The following FIRRM variants were observed in gnomAD, a reference collection of about 807,000 sequenced individuals.
FIRRM encodes FIGNL1 interacting regulator of recombination and mitosis.
At chr1:169,791,677 C>T in the FIRRM span, among the ~76,000 whole-genome samples, 3 of 152,112 alleles carry the variant, frequency 2.0e-5, no homozygotes, top group Admixed American at 6.5e-5. Context: ...TGACATAAAC[C>T]TCATAAGGTT....
the FIRRM span, chr1:169,794,519 TAAG>T: frequency 6.5e-6 from 1 of 153,898 alleles, no homozygotes; most frequent in Non-Finnish European, 1.5e-5. Flanking sequence ...CCTGTAGAAA[TAAG>T]AAGCAACTTT....
the FIRRM span, among the ~76,000 whole-genome samples, chr1:169,814,352 A>G: frequency 1.3e-3 from 202 of 152,328 alleles, no homozygotes; most frequent in African/African-American, 4.7e-3. Context: ...TGTGGTACAT[A>G]TTGTAGTACT....
the FIRRM span, among the ~76,000 whole-genome samples, chr1:169,796,215 T>C: frequency 1.3e-5 from 2 of 152,222 alleles, no homozygotes; most frequent in Non-Finnish European, 2.9e-5. Flanking sequence ...AACTGCCGTC[T>C]TCAAGGAGTT....
chr1:169,852,854 C>G, the FIRRM span: 1 of 1,614,100 alleles, frequency 6.2e-7, no homozygotes, highest in African/African-American at 1.3e-5. Context: ...GCGCTGCATA[C>G]AATAGCAGGG....
At chr1:169,786,626 C>A in the FIRRM span, among the ~76,000 whole-genome samples, 1 of 152,026 alleles carries the variant, frequency 6.6e-6, no homozygotes, top group Non-Finnish European at 1.5e-5. Flanking sequence ...AATAAGCGCA[C>A]CATCTAGTTT....
At chr1:169,794,246 A>G in the FIRRM span, among the ~76,000 whole-genome samples, 2 of 152,062 alleles carry the variant, frequency 1.3e-5, no homozygotes, top group Non-Finnish European at 2.9e-5. Flanking sequence ...AACCATATTC[A>G]CCCCCTAAGC....
At chr1:169,790,761 A>T in the FIRRM span, among the ~76,000 whole-genome samples, 3 of 152,216 alleles carry the variant, frequency 2.0e-5, no homozygotes, top group African/African-American at 4.8e-5. Context: ...TTGTACCTCA[A>T]TTCCCCAATC....
At chr1:169,849,238 T>G in the FIRRM span, among the ~76,000 whole-genome samples, 286 of 152,334 alleles carry the variant, frequency 1.9e-3, 1 homozygote, top group African/African-American at 6.7e-3. Context: ...TGCCTCATAT[T>G]CAGGGAAGCA....
chr1:169,853,078 G>T, the FIRRM span: 1 of 1,255,384 alleles, frequency 8.0e-7, no homozygotes, highest in Non-Finnish European at 1.1e-6. Context: ...AACAAATTTT[G>T]TAAAGTTGAA....
At chr1:169,852,648 G>A in the FIRRM span, 1 of 772,948 alleles carries the variant, frequency 1.3e-6, no homozygotes, top group Non-Finnish European at 2.1e-6. Flanking sequence ...AGATGACTGT[G>A]TAGGGGTTTT....
the FIRRM span, chr1:169,806,040 C>G: frequency 3.1e-6 from 5 of 1,602,206 alleles, no homozygotes; most frequent in South Asian, 5.7e-5. Flanking sequence ...TCTGTTATTT[C>G]CAGTATGGAC....
chr1:169,851,775 T>A, the FIRRM span: 1 of 1,603,332 alleles, frequency 6.2e-7, no homozygotes, highest in South Asian at 1.1e-5. Context: ...AGTAGAGTGC[T>A]AACATGTTGC....
chr1:169,849,726 G>A, the FIRRM span: 1,718 of 730,648 alleles, frequency 2.4e-3, 19 homozygotes, highest in Non-Finnish European at 9.7e-4. Flanking sequence ...ATTGTCTGAA[G>A]GGTACATTAC....
chr1:169,837,436 C>T, the FIRRM span, among the ~76,000 whole-genome samples: 3 of 152,102 alleles, frequency 2.0e-5, no homozygotes, highest in Non-Finnish European at 2.9e-5. Flanking sequence ...TTCTTCCATT[C>T]GACAAAATAC....
chr1:169,792,692 TG>T, the FIRRM span: 1 of 1,613,144 alleles, frequency 6.2e-7, no homozygotes, highest in Non-Finnish European at 8.5e-7. Flanking sequence ...CTGAAAGAGA[TG>T]AACACCTCCA....
chr1:169,849,531 T>C, the FIRRM span: 2 of 1,614,048 alleles, frequency 1.2e-6, no homozygotes, highest in South Asian at 1.1e-5. Context: ...TCCTGTATGT[T>C]TGCCTTACTG....
At chr1:169,803,222 C>T in the FIRRM span, 1 of 1,613,820 alleles carries the variant, frequency 6.2e-7, no homozygotes, top group African/African-American at 1.3e-5. Flanking sequence ...ATATCTGTGC[C>T]ACACAGGAAT....
chr1:169,839,460 T>A, the FIRRM span, among the ~76,000 whole-genome samples: 1 of 152,204 alleles, frequency 6.6e-6, no homozygotes, highest in African/African-American at 2.4e-5. Flanking sequence ...CCATTGTGAC[T>A]GGTGTGAGAT....
chr1:169,842,645 T>G, the FIRRM span: 8 of 1,337,146 alleles, frequency 6.0e-6, no homozygotes, highest in Non-Finnish European at 7.1e-6. Flanking sequence ...CTAATTCTTT[T>G]GGGTGCTTGG....
Sources: gnomAD v4.1 joint callset for allele counts (sites outside exome capture counted in the v4.1 genomes callset) on GRCh38, gnomAD v4.1.1 for gene constraint, MANE v1.5 for transcripts, NCBI Gene and HGNC (gene_info 2026-07-23, HGNC 2026-07-21) for gene names.